The following SLC18A1 variants were observed in gnomAD, a reference collection of about 807,000 sequenced individuals.
SLC18A1 encodes the protein chromaffin granule amine transporter.
SLC18A1 carries 69 observed loss-of-function variants against 53.7 expected under a neutral mutation model. The ratio of observed to expected loss-of-function variants is 1.28; its 90% CI spans 1.06 to 1.57. The LOEUF (loss-of-function observed/expected upper bound fraction) is 1.57. SLC18A1 is among the 40% of genes most tolerant of loss of function. The pLI is 0.00. For missense variants in SLC18A1, 932 were observed against 668.1 expected, an observed-to-expected ratio of 1.40 and a Z score of -4.35; for synonymous variants, 320 against 248.1, an observed-to-expected ratio of 1.29 and a Z score of -2.72.
Position 20,171,153 on chromosome 8 carries a change from A to G in SLC18A1, c.815-7T>C, listed in dbSNP as rs1344895605. ...AGGATGCAAAGCTGGAGTGCTAAGA[A>G]ACAAAGAAGGTGAGACAGTTCAGCG... is the stretch of plus-strand genomic sequence containing the variant. On this transcript the variant is annotated splice_region_variant and splice_polypyrimidine_tract_variant and intron_variant, in intron 7 of 15. Coordinates refer to ENST00000276373, the MANE Select transcript of SLC18A1 (RefSeq NM_003053.4). The G allele has an allele frequency of 6.2e-7, 1 of 1,614,206 alleles. No homozygotes were observed.
chr8:20,179,586 A>G, intron 2 of SLC18A1, 102 bp from the exon 3 acceptor site: 1 of 1,422,650 alleles, frequency 7.0e-7, no homozygotes. Flanking sequence ...CTGAAAGTCA[A>G]GGAGGACAGG....
At position 20,145,783 on chromosome 8, in the gene SLC18A1, C is replaced by T; in HGVS notation, c.1558G>A (p.Glu520Lys). Reference protein sequence around the residue: ...EFPLGEDSDEEPDHEE With the variant: ...EFPLGEDSDEKPDHEE Reference sequence around the variant, plus strand: ...TGCTGCTACTCCTCATGGTCAGGCTCCTCATCACTGTCCTCCCCCAGAGGA... The same window carrying T: ...TGCTGCTACTCCTCATGGTCAGGCTTCTCATCACTGTCCTCCCCCAGAGGA... Residue 520 changes from glutamate to lysine, a missense_variant, in exon 16 of 16, where the codon GAG becomes AAG. Coordinates refer to ENST00000276373, the MANE Select transcript of SLC18A1 (RefSeq NM_003053.4). 6.2e-7 allele frequency: 1 copy of T among 1,610,446 alleles called. No homozygotes were observed. Among genetic ancestry groups the T allele is most frequent in the Non-Finnish European group, 8.5e-7 (1 of 1,178,146 alleles).
At chr8:20,170,250 T>C (rs924980063) in intron 8 of SLC18A1, among the ~76,000 whole-genome samples, 8 of 152,174 alleles carry the variant, frequency 5.3e-5, no homozygotes, top group Non-Finnish European at 1.0e-4. Context: ...ATTGATTATG[T>C]CATAGTTTCA....
At chr8:20,174,074 CT>C (rs943276145) in intron 5 of SLC18A1, among the ~76,000 whole-genome samples, 5 of 151,488 alleles carry the variant, frequency 3.3e-5, no homozygotes, top group Admixed American at 1.3e-4. Flanking sequence ...CTTATTCTCT[CT>C]TTTTTTTAAT....
At chr8:20,164,175 G>A (rs558129495) in intron 10 of SLC18A1, among the ~76,000 whole-genome samples, 1 of 152,078 alleles carries the variant, frequency 6.6e-6, no homozygotes, top group African/African-American at 2.4e-5. Context: ...TGCAGTGATG[G>A]AGCAATTTGC....
In SLC18A1 at chr8:20,145,199, T is replaced by C. The variant is rs2071363040; in HGVS notation, c.*564A>G. 1 of 142,548 alleles carries C rather than the reference T, an allele frequency of 7.0e-6. No individual in the cohort carries two copies. Among genetic ancestry groups the C allele is most frequent in the South Asian group, 2.3e-4 (1 of 4,398 alleles). The allele number at this position is 142,548 out of a possible 1,614,324, so 8.8% of individuals were successfully genotyped here. ...AGCTCTAGATTTAGCCACAGAAAAA[T>C]CACTCACTTTATTAAAAAAAAAAAT... On this transcript the variant is annotated 3_prime_UTR_variant, in exon 16 of 16. Coordinates refer to ENST00000276373, the MANE Select transcript of SLC18A1 (RefSeq NM_003053.4).
chr8:20,148,502 C>G, intron 12 of SLC18A1: 1 of 1,285,484 alleles, frequency 7.8e-7, no homozygotes. Context: ...TTCATTTAGA[C>G]TTCTAACTTG....
Position 20,179,114 on chromosome 8 carries a change from G to T in SLC18A1, c.488+7C>A. 1 of 1,606,914 alleles carries T rather than the reference G, an allele frequency of 6.2e-7. No homozygotes were observed. The highest frequency in any genetic ancestry group is 2.2e-5 in the East Asian group (1 of 44,798). On this transcript the variant is annotated splice_region_variant and intron_variant, in intron 3 of 15. Coordinates refer to ENST00000276373, the MANE Select transcript of SLC18A1 (RefSeq NM_003053.4). The stretch of plus-strand genomic sequence containing the variant: ...TACCCTGCGGGGCACTGCACCCAGT[G>T]AGATACCTGTTGGTGAGAGGGCCCA...
intron 10 of SLC18A1, among the ~76,000 whole-genome samples, chr8:20,158,507 C>A (rs2071737493): frequency 6.6e-6 from 1 of 152,028 alleles, no homozygotes; most frequent in Non-Finnish European, 1.5e-5. Context: ...CGAAGAATGC[C>A]CGTCCCGTTC....
chr8:20,178,100 C>A (rs1425150153), intron 4 of SLC18A1, among the ~76,000 whole-genome samples: 1 of 147,026 alleles, frequency 6.8e-6, no homozygotes, highest in Admixed American at 6.8e-5. Flanking sequence ...TAAACTTGCT[C>A]AAGGGATTAC....
chr8:20,166,667 T>C (rs1193911163), intron 8 of SLC18A1, among the ~76,000 whole-genome samples: 1 of 151,314 alleles, frequency 6.6e-6, no homozygotes, highest in African/African-American at 2.5e-5. Context: ...ATGTCCTATA[T>C]ATTAAAAAAA....
intron 10 of SLC18A1, among the ~76,000 whole-genome samples, chr8:20,158,463 G>A (rs1321710320): frequency 6.6e-6 from 1 of 152,142 alleles, no homozygotes. Context: ...AATTAATCCT[G>A]AAGTCTGGGC....
rs2071438132 is a variant in SLC18A1, at chr8:20,147,712, A to C, written c.1221T>G (p.Asp407Glu). Residue 407 changes from aspartate (D) to glutamate (E), a missense_variant, in exon 14 of 16, where the codon GAT becomes GAG. Asp to Glu is a conservative substitution (Grantham distance 45). Transcript: ENST00000276373. ...GCCCCATGATGGGCATCATAGAAGA[A>C]TCCACCATGCCTGTGGCCAGAGCAA... ...AGLGLAIGMV[D>E]SSMMPIMGHL... is the part of the protein sequence containing the mutation. 1 of 1,613,206 alleles carries C rather than the reference A, an allele frequency of 6.2e-7. No homozygotes were observed. Among genetic ancestry groups the C allele is most frequent in the Admixed American group, 1.7e-5 (1 of 59,960 alleles).
intron 8 of SLC18A1, among the ~76,000 whole-genome samples, chr8:20,169,123 A>G (rs1483322737): frequency 6.6e-6 from 1 of 152,330 alleles, no homozygotes; most frequent in East Asian, 1.9e-4. Flanking sequence ...GGCGACGGGC[A>G]TTAAATACCT....
At chr8:20,172,834 C>G (rs1322240864) in intron 6 of SLC18A1, among the ~76,000 whole-genome samples, 2 of 152,210 alleles carry the variant, frequency 1.3e-5, no homozygotes, top group Non-Finnish European at 1.5e-5. Flanking sequence ...GGCTGGGCTT[C>G]CGGACCTTTC....
At chr8:20,148,364 G>A in intron 12 of SLC18A1, 1 of 925,556 alleles carries the variant, frequency 1.1e-6, no homozygotes, top group Non-Finnish European at 1.5e-6. Flanking sequence ...TCTAACGAGG[G>A]TCTTCCTCTG....
At chr8:20,147,183 A>C in intron 15 of SLC18A1, 75 bp downstream of exon 15, 1 of 1,498,784 alleles carries the variant, frequency 6.7e-7, no homozygotes, top group South Asian at 1.3e-5. Context: ...ATAACAGCCC[A>C]GGATGAAAGG....
chr8:20,158,875 C>T (rs1038696005), intron 10 of SLC18A1, among the ~76,000 whole-genome samples: 2 of 152,218 alleles, frequency 1.3e-5, no homozygotes, highest in African/African-American at 2.4e-5. Flanking sequence ...TTCTTGTATG[C>T]CTTTGAAGAC....
rs1156474444 is a variant in SLC18A1 at position 20,171,138 on chromosome 8, G to C, written c.823C>G (p.Leu275Val). 6.2e-7 allele frequency: 1 copy of C among 1,614,194 alleles called. No individual in the cohort carries two copies. Among genetic ancestry groups the C allele is most frequent in the South Asian group, 1.1e-5 (1 of 91,076 alleles). Residue 275 changes from leucine (L) to valine (V), a missense_variant, in exon 8 of 16, where the codon CTT becomes GTT. Transcript: ENST00000276373. The part of the protein sequence containing the change: ...FLALLDGALQ[L>V]CILQPSKVSP... ...ACTTTGGAAGGCTGTAGGATGCAAA[G>C]CTGGAGTGCTAAGAAACAAAGAAGG...
Sources: gnomAD v4.1 joint callset for allele counts (sites outside exome capture counted in the v4.1 genomes callset) on GRCh38, gnomAD v4.1.1 for gene constraint, MANE v1.5 for transcripts, NCBI Gene and HGNC (gene_info 2026-07-23, HGNC 2026-07-21) for gene names.